Variants in JAZF1 observed in about 807,000 individuals in gnomAD.
The protein encoded by JAZF1 is juxtaposed with another zinc finger protein 1.
Under a neutral mutation model 26.4 loss-of-function variants are expected in JAZF1, and 8 were observed. The observed-to-expected ratio is 0.30, with a 90% CI of 0.18 to 0.55. The LOEUF (loss-of-function observed/expected upper bound fraction) is 0.55, where lower values mean the gene tolerates loss of function less well. Ranked by LOEUF, JAZF1 falls within the 20% of genes least tolerant of loss-of-function variation. The probability of loss-of-function intolerance (pLI) is 0.94; values close to 1 mark genes in which losing one functional copy is unlikely to be tolerated. For missense variants in JAZF1, 199 were observed against 322.0 expected, an observed-to-expected ratio of 0.62 and a Z score of 2.92; for synonymous variants, 126 against 122.3, an observed-to-expected ratio of 1.03 and a Z score of -0.20.
At chr7:28,013,781 A>G (rs1562559139) in intron 1 of JAZF1, among the ~76,000 whole-genome samples, 1 of 152,002 alleles carries the variant, frequency 6.6e-6, no homozygotes, top group South Asian at 2.1e-4. Context: ...GGCTGAGGAA[A>G]TCTCCCTTTT....
chr7:27,917,028 C>T (rs560409530), intron 2 of JAZF1, among the ~76,000 whole-genome samples: 18 of 152,138 alleles, frequency 1.2e-4, no homozygotes, highest in Non-Finnish European at 2.2e-4. Flanking sequence ...TCCTTGAGCC[C>T]GGGAGCTGGA....
At chr7:28,096,204 T>C (rs1263233123) in intron 1 of JAZF1, among the ~76,000 whole-genome samples, 1 of 151,856 alleles carries the variant, frequency 6.6e-6, no homozygotes, top group Non-Finnish European at 1.5e-5. Context: ...GCTCTTGGAG[T>C]TGGAGAAAAC....
intron 3 of JAZF1, among the ~76,000 whole-genome samples, chr7:27,880,012 C>A (rs1218533683): frequency 6.6e-6 from 1 of 152,096 alleles, no homozygotes; most frequent in Non-Finnish European, 1.5e-5. Context: ...TTCTAGGAGG[C>A]TGTTAGATGC....
At chr7:28,069,093 C>T (rs1416938593) in intron 1 of JAZF1, among the ~76,000 whole-genome samples, 7 of 152,250 alleles carry the variant, frequency 4.6e-5, no homozygotes, top group Non-Finnish European at 8.8e-5. Context: ...ACTTACACAT[C>T]ATCCAATCTG....
chr7:28,041,410 A>AG lies in JAZF1; in HGVS notation c.116-49430dup, dbSNP rs140607142. On this transcript the variant is annotated intron_variant, in intron 1 of 4. Transcript: ENST00000283928. ...AATTTGGTATAAGCTATTTTTTAAA[A>AG]GGTGACATTTTTTAAAAGGTATGGG... Among the ~76,000 whole-genome samples, 4,045 of 152,224 alleles carry AG rather than the reference A, an allele frequency of 0.027. 317 individuals are homozygous for AG. In the East Asian group the frequency reaches 0.32, roughly 12 times the overall value.
intron 1 of JAZF1, among the ~76,000 whole-genome samples, chr7:28,011,300 T>C (rs1303274902): frequency 6.6e-6 from 1 of 152,232 alleles, no homozygotes; most frequent in African/African-American, 2.4e-5. Flanking sequence ...ACATTTCAGA[T>C]TTAGTCCAAT....
intron 3 of JAZF1, among the ~76,000 whole-genome samples, chr7:27,865,903 G>A (rs1322235422): frequency 6.6e-6 from 1 of 152,174 alleles, no homozygotes; most frequent in Non-Finnish European, 1.5e-5. Context: ...TATTCTCAAG[G>A]GCAGTCCACC....
chr7:28,174,091 G>A (rs1431610418), intron 1 of JAZF1, among the ~76,000 whole-genome samples: 1 of 151,972 alleles, frequency 6.6e-6, no homozygotes, highest in East Asian at 1.9e-4. Flanking sequence ...TAATACGTTA[G>A]CCAGGTCAAC....
At chr7:28,127,553 G>GA (rs112085994) in intron 1 of JAZF1, among the ~76,000 whole-genome samples, 5,951 of 149,966 alleles carry the variant, frequency 0.04, 351 homozygotes, top group African/African-American at 0.13. Flanking sequence ...AGGTCTAAAA[G>GA]AAAAAAAAAG....
At chr7:27,929,362 A>G (rs912942442) in intron 2 of JAZF1, among the ~76,000 whole-genome samples, 8 of 152,238 alleles carry the variant, frequency 5.3e-5, no homozygotes, top group African/African-American at 1.7e-4. Flanking sequence ...TCTGGTGGCC[A>G]GCAGGCCAGG....
intron 1 of JAZF1, among the ~76,000 whole-genome samples, chr7:28,112,039 G>A (rs1177271728): frequency 6.6e-6 from 1 of 152,146 alleles, no homozygotes; most frequent in Non-Finnish European, 1.5e-5. Context: ...TTTGTTTCCA[G>A]AGCTTGACTG....
chr7:27,913,452 G>A, intron 2 of JAZF1: 1 of 414,474 alleles, frequency 2.4e-6, no homozygotes, highest in Non-Finnish European at 4.9e-6. Context: ...CATCTCCGCT[G>A]TCTGTGGGCG....
chr7:27,839,873 A>C lies in JAZF1; in HGVS notation c.555+825T>G, dbSNP rs143365396. On this transcript the variant is annotated intron_variant, in intron 4 of 4. Coordinates refer to ENST00000283928, the MANE Select transcript of JAZF1 (RefSeq NM_175061.4). ...TAGTCAATCTGCTAGCCTATGAGTGAATTAGCATATCATCAAGCATACCAG... is the reference window on the plus strand; with the variant it reads ...TAGTCAATCTGCTAGCCTATGAGTGCATTAGCATATCATCAAGCATACCAG... Among the ~76,000 whole-genome samples the C allele has an allele frequency of 9.9e-5, 15 of 152,256 alleles. No individual in the cohort carries two copies. In the East Asian group the frequency reaches 2.5e-3, roughly 25 times the overall value.
At chr7:27,883,040 CTGG>C (rs1783798401) in intron 3 of JAZF1, among the ~76,000 whole-genome samples, 1 of 152,138 alleles carries the variant, frequency 6.6e-6, no homozygotes, top group Admixed American at 6.6e-5. Flanking sequence ...TATTTCAGTT[CTGG>C]TTTGTGCTTC....
intron 3 of JAZF1, among the ~76,000 whole-genome samples, chr7:27,870,994 C>T (rs1783571310): frequency 2.0e-5 from 3 of 152,136 alleles, no homozygotes; most frequent in African/African-American, 7.2e-5. Context: ...TACCCCCAGC[C>T]ACAGTACGTA....
chr7:27,850,829 T>A (rs1359893097), intron 3 of JAZF1, among the ~76,000 whole-genome samples: 1 of 151,842 alleles, frequency 6.6e-6, no homozygotes, highest in African/African-American at 2.4e-5. Flanking sequence ...TTTTTTTTTT[T>A]ACTTAAGAAC....
At chr7:28,172,352 A>G (rs1292396739) in intron 1 of JAZF1, among the ~76,000 whole-genome samples, 2 of 152,196 alleles carry the variant, frequency 1.3e-5, no homozygotes, top group Non-Finnish European at 2.9e-5. Context: ...TTTCTTTCAC[A>G]TATGAGCCAT....
intron 2 of JAZF1, among the ~76,000 whole-genome samples, chr7:27,934,927 G>A (rs1583469866): frequency 6.6e-6 from 1 of 152,126 alleles, no homozygotes; most frequent in Non-Finnish European, 1.5e-5. Context: ...CCACAGAATA[G>A]GAGAACATAT....
intron 3 of JAZF1, among the ~76,000 whole-genome samples, chr7:27,864,696 TAAAA>T (rs113450342): frequency 3.3e-5 from 5 of 151,798 alleles, no homozygotes; most frequent in African/African-American, 1.2e-4. Context: ...TCTCATTTCT[TAAAA>T]AAAAATCCTA....
Sources: gnomAD v4.1 joint callset for allele counts (sites outside exome capture counted in the v4.1 genomes callset) on GRCh38, gnomAD v4.1.1 for gene constraint, MANE v1.5 for transcripts, NCBI Gene and HGNC (gene_info 2026-07-23, HGNC 2026-07-21) for gene names.